The following PIBF1 variants were observed in gnomAD, a reference collection of about 807,000 sequenced individuals.
The protein encoded by PIBF1 is progesterone-induced-blocking factor 1.
A neutral mutation model predicts 112.5 loss-of-function variants in PIBF1; 90 were observed. That is an observed-to-expected ratio of 0.80 (90% CI 0.67 to 0.95). PIBF1 has a LOEUF of 0.95. Among genes scored for constraint, PIBF1 ranks in the 40% least tolerant of loss-of-function variants. The pLI is 0.00. For synonymous variants in PIBF1, 301 were observed against 288.6 expected, an observed-to-expected ratio of 1.04 and a Z score of -0.44; for missense variants, 915 against 852.3, an observed-to-expected ratio of 1.07 and a Z score of -0.92.
chr13:72,915,518 CTT>C (rs1331182287), intron 12 of PIBF1, among the ~76,000 whole-genome samples: 1 of 152,176 alleles, frequency 6.6e-6, no homozygotes, highest in African/African-American at 2.4e-5. Context: ...TAATATCTAA[CTT>C]ATGGGTTTTT....
At chr13:72,856,259 G>A (rs1337517223) in intron 10 of PIBF1, among the ~76,000 whole-genome samples, 1 of 152,098 alleles carries the variant, frequency 6.6e-6, no homozygotes, top group Non-Finnish European at 1.5e-5. Context: ...TAGTGTTGTT[G>A]TGAAACTTTA....
In PIBF1 at chr13:72,783,692, G is replaced by T; in HGVS notation, c.223G>T (p.Asp75Tyr). 1.9e-6 allele frequency: 3 copies of T among 1,613,784 alleles called. No homozygotes were observed. The highest frequency in any genetic ancestry group is 1.1e-5 in the South Asian group (1 of 91,052). ...GCTATCCCAGAAAACTATGATGATCGACAATTTGAAAGTGGATTATCTTAC... is the reference window on the plus strand; with the variant it reads ...GCTATCCCAGAAAACTATGATGATCTACAATTTGAAAGTGGATTATCTTAC... ...IELSQKTMMI[D>Y]NLKVDYLTKI... Residue 75 changes from aspartate to tyrosine, a missense_variant, in exon 2 of 18, where the codon GAC becomes TAC. Physicochemically the swap from Asp to Tyr is radical, Grantham distance 160. Transcript: ENST00000326291.
At chr13:72,866,814 AT>A (rs915046157) in intron 10 of PIBF1, among the ~76,000 whole-genome samples, 3 of 151,798 alleles carry the variant, frequency 2.0e-5, no homozygotes, top group African/African-American at 7.3e-5. Context: ...TTCGTTCCTT[AT>A]TTTTTTCATT....
At position 73,010,810 on chromosome 13, in the gene PIBF1, C is replaced by CTTTTTTTTTTTTTTTTTTT. The variant is rs1176079981; in HGVS notation, c.2224-5047_2224-5029dup. 3.1e-3 allele frequency among the ~76,000 whole-genome samples: 123 copies of CTTTTTTTTTTTTTTTTTTT among 40,308 alleles called. 20 individuals carry two copies. Among genetic ancestry groups the CTTTTTTTTTTTTTTTTTTT allele is most frequent in the Non-Finnish European group, 3.6e-3 (81 of 22,540 alleles). The allele number at this position is 40,308 out of a possible 152,430, so 26.4% of individuals were successfully genotyped here. Reference sequence around the variant, plus strand: ...CTGAGCTGGAAAATCATTAACTTTTCTTTTTTTTTTTTTTTTTTTTTTTTT... The same window carrying CTTTTTTTTTTTTTTTTTTT: ...CTGAGCTGGAAAATCATTAACTTTTCTTTTTTTTTTTTTTTTTTTTTTTTTTTTTTTTTTTTTTTTTTTT... On this transcript the variant is annotated intron_variant, in intron 17 of 17. Coordinates refer to ENST00000326291, the MANE Select transcript of PIBF1 (RefSeq NM_006346.4).
chr13:72,824,165 C>T (rs1018059114), intron 6 of PIBF1, among the ~76,000 whole-genome samples: 3 of 146,852 alleles, frequency 2.0e-5, no homozygotes, highest in African/African-American at 7.6e-5. Context: ...AGGTGTGCGC[C>T]ACCATGCCCA....
Position 72,809,190 on chromosome 13 carries a change from A to T in PIBF1, c.672+11164A>T, listed in dbSNP as rs150893977. Among the ~76,000 whole-genome samples, 868 of 89,074 alleles carry T rather than the reference A, an allele frequency of 9.7e-3. 42 individuals are homozygous for T. Among genetic ancestry groups the T allele is most frequent in the East Asian group, 0.014 (39 of 2,888 alleles). 58.4% of individuals were successfully genotyped at this position (89,074 alleles called of 152,430 possible). On this transcript the variant is annotated intron_variant, in intron 5 of 17. Transcript: ENST00000326291. The stretch of plus-strand genomic sequence containing the variant: ...TGTTGGGGGCTATTTGGAAAATGTG[A>T]TTATTTTTGAGCTAGAGACCCAAAG...
intron 14 of PIBF1, among the ~76,000 whole-genome samples, chr13:72,932,349 T>C (rs1373195306): frequency 6.6e-6 from 1 of 152,242 alleles, no homozygotes; most frequent in East Asian, 1.9e-4. Flanking sequence ...TTATTTGTTT[T>C]CTTAAGGATC....
chr13:72,942,562 A>G (rs573722035), intron 14 of PIBF1, among the ~76,000 whole-genome samples: 3 of 152,310 alleles, frequency 2.0e-5, no homozygotes, highest in Non-Finnish European at 2.9e-5. Context: ...TAATAATATG[A>G]ACAGCCAAGA....
intron 10 of PIBF1, among the ~76,000 whole-genome samples, chr13:72,866,061 G>T (rs773409729): frequency 6.6e-6 from 1 of 152,068 alleles, no homozygotes; most frequent in Admixed American, 6.6e-5. Context: ...GCTTCTGGGG[G>T]CCTCCAGGCA....
chr13:72,900,354 A>G (rs1475065804), intron 11 of PIBF1, among the ~76,000 whole-genome samples: 1 of 152,196 alleles, frequency 6.6e-6, no homozygotes, highest in Non-Finnish European at 1.5e-5. Context: ...GTCAAACTAT[A>G]CTATAAGGCC....
intron 11 of PIBF1, among the ~76,000 whole-genome samples, chr13:72,894,256 CATGTG>C (rs1319838606): frequency 6.6e-6 from 1 of 151,868 alleles, no homozygotes; most frequent in Non-Finnish European, 1.5e-5. Context: ...ACTTCACTGA[CATGTG>C]AAATGAAACA....
At chr13:72,887,435 G>C (rs1403557363) in intron 10 of PIBF1, among the ~76,000 whole-genome samples, 1 of 151,700 alleles carries the variant, frequency 6.6e-6, no homozygotes, top group African/African-American at 2.4e-5. Flanking sequence ...TAGGGTAAGT[G>C]TGCTTATTTT....
rs183208439 is a variant in PIBF1 at position 72,849,415 on chromosome 13, G to A, written c.1224-4642G>A. ...GAAGTTTCTCTTTTGAAGAACATTTGAATTCCTGTAATTTGTTTTGTAATT... is the reference window on the plus strand; with the variant it reads ...GAAGTTTCTCTTTTGAAGAACATTTAAATTCCTGTAATTTGTTTTGTAATT... On this transcript the variant is annotated intron_variant, in intron 9 of 17. Transcript: ENST00000326291. 7.4e-3 allele frequency among the ~76,000 whole-genome samples: 1,119 copies of A among 152,176 alleles called. 14 individuals carry two copies. Among genetic ancestry groups the A allele is most frequent in the Middle Eastern group, 0.024 (7 of 292 alleles).
chr13:72,798,026 G>GGTTT lies in PIBF1; in HGVS notation c.672+3_672+6dup, dbSNP rs2035281379. ...AAAACCAACTGAAGCAGCTGACAGA[G>GGTTT]GTTTGTATGGTTTTGATTGCTGGTG... On this transcript the variant is annotated frameshift_variant and splice_region_variant. Coordinates refer to ENST00000326291, the MANE Select transcript of PIBF1 (RefSeq NM_006346.4). LOFTEE classifies it high-confidence loss of function. 1 of 1,587,750 alleles carries GGTTT rather than the reference G, an allele frequency of 6.3e-7. No individual in the cohort carries two copies. Among genetic ancestry groups the GGTTT allele is most frequent in the Admixed American group, 1.9e-5 (1 of 53,498 alleles).
intron 9 of PIBF1, among the ~76,000 whole-genome samples, chr13:72,850,425 A>G (rs866754818): frequency 6.6e-6 from 1 of 152,190 alleles, no homozygotes; most frequent in Admixed American, 6.5e-5. Context: ...ATAGTACTTA[A>G]CATAGTACCC....
chr13:72,918,747 C>A (rs1249614260), intron 13 of PIBF1, among the ~76,000 whole-genome samples: 1 of 147,272 alleles, frequency 6.8e-6, no homozygotes, highest in East Asian at 2.0e-4. Flanking sequence ...CTGTGTCACC[C>A]AGGCTAGAGG....
intron 9 of PIBF1, among the ~76,000 whole-genome samples, chr13:72,843,827 C>G (rs1040360790): frequency 6.6e-6 from 1 of 152,220 alleles, no homozygotes; most frequent in Non-Finnish European, 1.5e-5. Flanking sequence ...TTTCACTCCA[C>G]TTAGCCCTCA....
At chr13:72,813,145 T>C (rs2138072622) in intron 5 of PIBF1, among the ~76,000 whole-genome samples, 1 of 152,262 alleles carries the variant, frequency 6.6e-6, no homozygotes, top group Middle Eastern at 3.4e-3. Context: ...AACTCAAAGC[T>C]AAATGAACTC....
chr13:72,854,405 A>G (rs1288022506), intron 10 of PIBF1, among the ~76,000 whole-genome samples: 1 of 152,218 alleles, frequency 6.6e-6, no homozygotes, highest in South Asian at 2.1e-4. Flanking sequence ...AGAACAGTTC[A>G]GTTACTCCAG....
Sources: allele counts gnomAD v4.1 joint callset (sites outside exome capture counted in the v4.1 genomes callset), GRCh38; gene constraint gnomAD v4.1.1; transcripts MANE v1.5; gene names NCBI Gene and HGNC (gene_info 2026-07-23, HGNC 2026-07-21).